Variants in FMNL2 observed in about 807,000 individuals in gnomAD.
The protein encoded by FMNL2 is formin like 2.
A neutral mutation model predicts 130.2 loss-of-function variants in FMNL2; 51 were observed. That is an observed-to-expected ratio of 0.39 (90% CI 0.31 to 0.49). The LOEUF (loss-of-function observed/expected upper bound fraction) is 0.49, where lower values mean the gene tolerates loss of function less well. Ranked by LOEUF, FMNL2 falls within the 20% of genes least tolerant of loss-of-function variation. The probability of loss-of-function intolerance (pLI) is 0.85; values close to 1 mark genes in which losing one functional copy is unlikely to be tolerated. For synonymous variants in FMNL2, 465 were observed against 467.1 expected (o/e 1.00, Z 0.06); for missense variants, 977 against 1,316.2 (o/e 0.74, Z 3.99).
intron 6 of FMNL2, among the ~76,000 whole-genome samples, chr2:152,565,415 G>T (rs764169093): frequency 6.4e-4 from 97 of 152,292 alleles, no homozygotes; most frequent in Admixed American, 1.1e-3. Context: ...TAGGGAATGA[G>T]AGAAGAACCT....
At chr2:152,461,077 G>T (rs1344135637) in intron 1 of FMNL2, among the ~76,000 whole-genome samples, 1 of 152,136 alleles carries the variant, frequency 6.6e-6, no homozygotes, top group East Asian at 1.9e-4. Flanking sequence ...TGCTGCTGTA[G>T]AGGATAAGAA....
intron 1 of FMNL2, among the ~76,000 whole-genome samples, chr2:152,342,404 G>C (rs537405383): frequency 9.8e-5 from 15 of 152,324 alleles, no homozygotes; most frequent in African/African-American, 3.4e-4. Context: ...GAGGGAAGGT[G>C]AGTTACAAGC....
At chr2:152,622,812 GT>G (rs34011004) in intron 15 of FMNL2, among the ~76,000 whole-genome samples, 25,985 of 136,742 alleles carry the variant, frequency 0.19, 2,275 homozygotes, top group Middle Eastern at 0.26. Context: ...CTGAGAAAAG[GT>G]TTTTTTTTTT....
chr2:152,479,814 G>A (rs574118928), intron 1 of FMNL2, among the ~76,000 whole-genome samples: 8 of 146,158 alleles, frequency 5.5e-5, no homozygotes, highest in Non-Finnish European at 1.2e-4. Context: ...GGGTTCAAGC[G>A]ATTCTCTTGC....
In FMNL2 at chr2:152,560,929, A is replaced by ACCGT; in HGVS notation, c.490_491insCCGT (p.Lys164ThrfsTer8). ...GAGTACTGTGGAGAGCTCGGTGGAC[A>ACCGT]AATCAAAGCCCTGGAGTAGGTCCAT... is the stretch of plus-strand genomic sequence containing the variant. On this transcript the variant is annotated frameshift_variant, in exon 6 of 26. Coordinates refer to ENST00000288670, the MANE Select transcript of FMNL2 (RefSeq NM_052905.4). LOFTEE classifies it high-confidence loss of function. 6.8e-7 allele frequency: 1 copy of ACCGT among 1,472,412 alleles called. No individual in the cohort carries two copies. 91.2% of individuals were successfully genotyped at this position (1,472,412 alleles called of 1,614,324 possible).
chr2:152,506,289 G>A (rs1692166127), intron 1 of FMNL2, among the ~76,000 whole-genome samples: 1 of 151,934 alleles, frequency 6.6e-6, no homozygotes, highest in Non-Finnish European at 1.5e-5. Flanking sequence ...TCTTTCCTTG[G>A]TATCTATGGA....
At chr2:152,383,581 C>T (rs1257999199) in intron 1 of FMNL2, among the ~76,000 whole-genome samples, 10 of 151,526 alleles carry the variant, frequency 6.6e-5, no homozygotes, top group Non-Finnish European at 1.0e-4. Flanking sequence ...ATCAAAAAAC[C>T]AAAAAATATT....
chr2:152,406,610 A>G (rs6718081), intron 1 of FMNL2, among the ~76,000 whole-genome samples: 144,530 of 152,308 alleles, frequency 0.95, 68,699 homozygotes, highest in East Asian at 1. Context: ...TTGACAAATG[A>G]TGTTTGTGTG....
intron 1 of FMNL2, among the ~76,000 whole-genome samples, chr2:152,337,409 G>GTGTA (rs1414157173): frequency 6.6e-6 from 1 of 151,454 alleles, no homozygotes; most frequent in African/African-American, 2.4e-5. Context: ...GTGTGTGTGT[G>GTGTA]TGTGTGTGTG....
At chr2:152,497,449 G>A (rs1691576403) in intron 1 of FMNL2, among the ~76,000 whole-genome samples, 1 of 151,942 alleles carries the variant, frequency 6.6e-6, no homozygotes. Context: ...AATCATGTTG[G>A]TTTTATTTAT....
At chr2:152,608,396 A>C (rs534537732) in intron 10 of FMNL2, among the ~76,000 whole-genome samples, 1 of 142,564 alleles carries the variant, frequency 7.0e-6, no homozygotes, top group Non-Finnish European at 1.5e-5. Flanking sequence ...AAAAGTTTGG[A>C]GTCCTCAAGT....
intron 11 of FMNL2, 93 bp downstream of exon 11, chr2:152,611,698 C>T (rs1698692646): frequency 1.3e-6 from 1 of 791,000 alleles, no homozygotes; most frequent in Non-Finnish European, 2.1e-6. Context: ...TAAAGAATGC[C>T]TAAAGCTCTA....
At chr2:152,585,204 T>C (rs932611254) in intron 9 of FMNL2, among the ~76,000 whole-genome samples, 8 of 152,182 alleles carry the variant, frequency 5.3e-5, no homozygotes, top group African/African-American at 1.7e-4. Flanking sequence ...ACATCTGGTT[T>C]TGTGTTGAAA....
At chr2:152,373,336 A>G (rs943497532) in intron 1 of FMNL2, among the ~76,000 whole-genome samples, 4 of 152,182 alleles carry the variant, frequency 2.6e-5, no homozygotes, top group Non-Finnish European at 5.9e-5. Context: ...TATTTTCTCC[A>G]TGAACAGTTG....
chr2:152,548,939 TTGTGTTAA>T (rs1694794940), intron 3 of FMNL2, 74 bp from the exon 4 acceptor site: 46 of 1,035,570 alleles, frequency 4.4e-5, no homozygotes, highest in Non-Finnish European at 5.8e-5. Context: ...ATTTTTCATA[TTGTGTTAA>T]ATTTATTATA....
intron 1 of FMNL2, among the ~76,000 whole-genome samples, chr2:152,438,409 G>C (rs34968716): frequency 0.26 from 40,145 of 152,078 alleles, 6,295 homozygotes; most frequent in East Asian, 0.43. Context: ...ATTAGAGTGG[G>C]GAATGGACAG....
At chr2:152,420,077 A>G (rs1222416790) in intron 1 of FMNL2, among the ~76,000 whole-genome samples, 1 of 152,310 alleles carries the variant, frequency 6.6e-6, no homozygotes, top group East Asian at 1.9e-4. Context: ...CTAAAAGCCG[A>G]GTTTTACCAA....
At chr2:152,505,650 C>T (rs528681106) in intron 1 of FMNL2, among the ~76,000 whole-genome samples, 4 of 152,272 alleles carry the variant, frequency 2.6e-5, no homozygotes, top group African/African-American at 9.6e-5. Context: ...CACTGTCTAC[C>T]CATTGTGACT....
chr2:152,599,405 C>CTTTTTTTTTTTT lies in FMNL2; in HGVS notation c.877-7913_877-7902dup, dbSNP rs35753197. Among the ~76,000 whole-genome samples, 4 of 45,086 alleles carry CTTTTTTTTTTTT rather than the reference C, an allele frequency of 8.9e-5. 1 individual carries two copies. Among genetic ancestry groups the CTTTTTTTTTTTT allele is most frequent in the African/African-American group, 2.3e-4 (3 of 12,930 alleles). The allele number at this position is 45,086 out of a possible 152,430, so 29.6% of individuals were successfully genotyped here. ...CTCTCTAGAATTTATTGAAGGTCAT[C>CTTTTTTTTTTTT]TTTTTTTTTTTTTTTTTTTTTTTTT... On this transcript the variant is annotated intron_variant, in intron 9 of 25. Coordinates refer to ENST00000288670, the MANE Select transcript of FMNL2 (RefSeq NM_052905.4).
Sources: allele counts gnomAD v4.1 joint callset (sites outside exome capture counted in the v4.1 genomes callset), GRCh38; gene constraint gnomAD v4.1.1; transcripts MANE v1.5; gene names NCBI Gene and HGNC (gene_info 2026-07-23, HGNC 2026-07-21).